Variants in TBC1D19 observed in about 807,000 individuals in gnomAD.
TBC1D19 encodes the protein TBC1 domain family member 19.
Under a neutral mutation model 89.0 loss-of-function variants are expected in TBC1D19, and 60 were observed. The ratio of observed to expected loss-of-function variants is 0.67; its 90% confidence interval spans 0.55 to 0.84. The LOEUF is 0.84. Ranked by LOEUF, TBC1D19 falls within the 40% of genes least tolerant of loss-of-function variation. TBC1D19 has a pLI of 0.00. For missense variants in TBC1D19, 500 were observed against 610.8 expected, an observed-to-expected ratio of 0.82 and a Z score of 1.91; for synonymous variants, 189 against 199.7, an observed-to-expected ratio of 0.95 and a Z score of 0.45.
At chr4:26,779,818 A>C in the TBC1D19 span, among the ~76,000 whole-genome samples, 1 of 152,200 alleles carries the variant, frequency 6.6e-6, no homozygotes, top group Non-Finnish European at 1.5e-5. Flanking sequence ...ACTCCAGCTT[A>C]TAATTTACAT....
intron 15 of TBC1D19, among the ~76,000 whole-genome samples, chr4:26,726,547 A>T (rs530947207): frequency 2.0e-5 from 3 of 152,338 alleles, no homozygotes; most frequent in Non-Finnish European, 2.9e-5. Context: ...ACTGAAATAG[A>T]GTAACAAAAC....
chr4:26,781,306 G>A, the TBC1D19 span, among the ~76,000 whole-genome samples: 1 of 152,160 alleles, frequency 6.6e-6, no homozygotes, highest in Admixed American at 6.5e-5. Context: ...GGTAAGGGGG[G>A]CTGGGTAACA....
intron 7 of TBC1D19, among the ~76,000 whole-genome samples, chr4:26,649,757 A>C (rs1260034645): frequency 3.3e-5 from 5 of 151,978 alleles, no homozygotes; most frequent in Non-Finnish European, 7.4e-5. Flanking sequence ...ACATGTGCAC[A>C]ACGTGCAGGT....
intron 4 of TBC1D19, among the ~76,000 whole-genome samples, chr4:26,633,258 A>T (rs898408459): frequency 2.6e-5 from 4 of 152,076 alleles, no homozygotes; most frequent in Non-Finnish European, 4.4e-5. Context: ...TTTCCATAGG[A>T]TGCTGTATAT....
At chr4:26,647,841 T>C (rs963752735) in intron 7 of TBC1D19, among the ~76,000 whole-genome samples, 4 of 152,088 alleles carry the variant, frequency 2.6e-5, no homozygotes. Flanking sequence ...AATATCACCT[T>C]CTTAGTAAAG....
At chr4:26,832,214 G>A in the TBC1D19 span, among the ~76,000 whole-genome samples, 13 of 152,174 alleles carry the variant, frequency 8.5e-5, no homozygotes, top group Non-Finnish European at 5.9e-5. Flanking sequence ...AAGGAAATCA[G>A]ATTTTTTGGC....
intron 7 of TBC1D19, among the ~76,000 whole-genome samples, chr4:26,649,502 T>C (rs1744187206): frequency 1.3e-5 from 2 of 152,176 alleles, no homozygotes; most frequent in Admixed American, 1.3e-4. Flanking sequence ...CTTATGCCCA[T>C]TTGTAGTCAC....
intron 13 of TBC1D19, among the ~76,000 whole-genome samples, chr4:26,691,423 C>G (rs535300420): frequency 1.3e-5 from 2 of 152,266 alleles, no homozygotes; most frequent in Admixed American, 6.5e-5. Flanking sequence ...AAGGAAGAGT[C>G]TATCAATGCA....
the TBC1D19 span, among the ~76,000 whole-genome samples, chr4:26,834,808 A>C: frequency 6.6e-6 from 1 of 152,098 alleles, no homozygotes; most frequent in African/African-American, 2.4e-5. Flanking sequence ...ATCTACGTTC[A>C]TGTTTTCAAT....
chr4:26,682,665 T>C (rs1251597632), intron 11 of TBC1D19, among the ~76,000 whole-genome samples: 7 of 152,166 alleles, frequency 4.6e-5, no homozygotes, highest in Non-Finnish European at 8.8e-5. Context: ...GCAATACACA[T>C]GTCAGCTAAA....
At chr4:26,594,922 G>A (rs1332689431) in intron 1 of TBC1D19, among the ~76,000 whole-genome samples, 1 of 152,206 alleles carries the variant, frequency 6.6e-6, no homozygotes, top group African/African-American at 2.4e-5. Context: ...AGGTTTTTCT[G>A]TGGACATAAA....
chr4:26,830,275 G>A, the TBC1D19 span, among the ~76,000 whole-genome samples: 1 of 152,182 alleles, frequency 6.6e-6, no homozygotes, highest in South Asian at 2.1e-4. Context: ...GGACTCTTGA[G>A]CACTGTGGGA....
At chr4:26,794,004 T>A in the TBC1D19 span, among the ~76,000 whole-genome samples, 12 of 152,148 alleles carry the variant, frequency 7.9e-5, no homozygotes, top group African/African-American at 2.9e-4. Context: ...TTAGCTAGTC[T>A]TGAGTTACAG....
At chr4:26,819,832 C>T in the TBC1D19 span, among the ~76,000 whole-genome samples, 1 of 152,186 alleles carries the variant, frequency 6.6e-6, no homozygotes, top group African/African-American at 2.4e-5. Flanking sequence ...GCCCTTGCCT[C>T]TTGCTATTCC....
chr4:26,644,892 A>C (rs2110087911), intron 7 of TBC1D19, among the ~76,000 whole-genome samples: 1 of 152,370 alleles, frequency 6.6e-6, no homozygotes, highest in South Asian at 2.1e-4. Flanking sequence ...TTGAAGGAGA[A>C]CTACAAACCA....
At chr4:26,709,043 C>CTTG (rs984284391) in intron 13 of TBC1D19, among the ~76,000 whole-genome samples, 48 of 149,920 alleles carry the variant, frequency 3.2e-4, no homozygotes, top group South Asian at 1.5e-3. Context: ...TATTTGTGAT[C>CTTG]TTGTTGTTGT....
the TBC1D19 span, among the ~76,000 whole-genome samples, chr4:26,780,987 G>C: frequency 2.0e-5 from 3 of 152,178 alleles, no homozygotes; most frequent in African/African-American, 7.2e-5. Context: ...AATACTTAGG[G>C]CCTCTAGGAT....
chr4:26,746,206 A>AT (rs1360997535), intron 18 of TBC1D19, among the ~76,000 whole-genome samples: 1 of 143,722 alleles, frequency 7.0e-6, no homozygotes, highest in African/African-American at 2.6e-5. Flanking sequence ...AAGGTTTGTT[A>AT]TTTTCTCACA....
At chr4:26,807,818 A>G in the TBC1D19 span, among the ~76,000 whole-genome samples, 5 of 152,218 alleles carry the variant, frequency 3.3e-5, no homozygotes, top group Non-Finnish European at 7.3e-5. Flanking sequence ...AGACATAATC[A>G]TTACAGTTGA....
Sources: allele counts gnomAD v4.1 joint callset (sites outside exome capture counted in the v4.1 genomes callset), GRCh38; gene constraint gnomAD v4.1.1; transcripts MANE v1.5; gene names NCBI Gene and HGNC (gene_info 2026-07-23, HGNC 2026-07-21).